Variants in CAST observed in about 807,000 individuals in gnomAD.
The protein encoded by CAST is MIR583 host.
In CAST, 76 loss-of-function variants were observed where a neutral mutation model predicts 119.6. The ratio of observed to expected loss-of-function variants is 0.64; its 90% confidence interval spans 0.53 to 0.77. The LOEUF (loss-of-function observed/expected upper bound fraction) is 0.77. Ranked by LOEUF, CAST falls within the 30% of genes least tolerant of loss-of-function variation. CAST has a pLI of 0.00. For synonymous variants in CAST, 319 were observed against 331.6 expected (o/e 0.96, Z 0.41); for missense variants, 953 against 946.5 (o/e 1.01, Z -0.09).
intron 1 of CAST, among the ~76,000 whole-genome samples, chr5:96,593,841 G>A (rs978040205): frequency 6.6e-5 from 10 of 152,180 alleles, no homozygotes; most frequent in East Asian, 1.9e-4. Flanking sequence ...ACACTGGCAC[G>A]CTGATCTTGG....
the CAST span, among the ~76,000 whole-genome samples, chr5:96,107,428 A>G: frequency 4.6e-5 from 7 of 151,884 alleles, no homozygotes; most frequent in South Asian, 2.1e-4. Context: ...GGTGGTGACA[A>G]AATCTCTCAG....
At chr5:96,065,959 T>A in the CAST span, among the ~76,000 whole-genome samples, 1 of 152,078 alleles carries the variant, frequency 6.6e-6, no homozygotes, top group Non-Finnish European at 1.5e-5. Flanking sequence ...ATTAAGGAAA[T>A]ATATTACAGG....
the CAST span, among the ~76,000 whole-genome samples, chr5:96,422,196 C>T: frequency 6.6e-6 from 1 of 152,078 alleles, no homozygotes; most frequent in South Asian, 2.1e-4. Flanking sequence ...GTTACCAAGC[C>T]TATGGTTCAC....
the CAST span, among the ~76,000 whole-genome samples, chr5:96,260,577 T>C: frequency 6.6e-6 from 1 of 152,240 alleles, no homozygotes; most frequent in Admixed American, 6.5e-5. Context: ...ACATTGTAAA[T>C]GGCATCTTAT....
chr5:96,130,449 G>GGA, the CAST span, among the ~76,000 whole-genome samples: 8 of 144,398 alleles, frequency 5.5e-5, no homozygotes, highest in South Asian at 4.4e-4. Flanking sequence ...AGGACATTAG[G>GGA]AAAAAAAAAA....
rs1454934969 is a variant in CAST, at chr5:96,580,640, A to G, written c.60+50760A>G. On this transcript the variant is annotated intron_variant, in intron 1 of 11. Coordinates refer to the CAST transcript ENST00000505143. The stretch of plus-strand genomic sequence containing the variant: ...TCGGGCGATGTTGGTTATGTTGGTC[A>G]ATGGATTACATTTGGAGTAGCAAGG... Among the ~76,000 whole-genome samples, 3 of 152,340 alleles carry G rather than the reference A, an allele frequency of 2.0e-5. No individual in the cohort carries two copies. The East Asian group carries it at 5.8e-4, about 29-fold the overall frequency.
At chr5:96,114,250 C>A in the CAST span, among the ~76,000 whole-genome samples, 1 of 152,146 alleles carries the variant, frequency 6.6e-6, no homozygotes, top group Non-Finnish European at 1.5e-5. Flanking sequence ...TATTCTACAA[C>A]CCTGTGACCC....
the CAST span, among the ~76,000 whole-genome samples, chr5:96,333,068 C>T: frequency 2.0e-5 from 3 of 151,868 alleles, no homozygotes; most frequent in Non-Finnish European, 2.9e-5. Context: ...CTTTTTATAG[C>T]GTCTCTCCTT....
the CAST span, among the ~76,000 whole-genome samples, chr5:96,448,847 A>G: frequency 1.3e-5 from 2 of 152,222 alleles, no homozygotes; most frequent in Non-Finnish European, 2.9e-5. Context: ...CATTTAAAAA[A>G]TGCAACCATT....
the CAST span, among the ~76,000 whole-genome samples, chr5:96,441,708 G>A: frequency 6.6e-6 from 1 of 152,250 alleles, no homozygotes; most frequent in Middle Eastern, 3.4e-3. Flanking sequence ...GCATTAGTAC[G>A]TTTGACATTC....
At chr5:96,163,733 G>A in the CAST span, among the ~76,000 whole-genome samples, 1 of 152,196 alleles carries the variant, frequency 6.6e-6, no homozygotes, top group Non-Finnish European at 1.5e-5. Context: ...TACTGGGATT[G>A]TTCCTTACCT....
chr5:96,302,119 G>A, the CAST span, among the ~76,000 whole-genome samples: 2 of 152,172 alleles, frequency 1.3e-5, no homozygotes, highest in Non-Finnish European at 2.9e-5. Context: ...TGCACTTGCA[G>A]GCTTAATACC....
chr5:96,484,159 A>G, the CAST span, among the ~76,000 whole-genome samples: 867 of 151,356 alleles, frequency 5.7e-3, 12 homozygotes, highest in African/African-American at 0.02. Context: ...CATGACCACA[A>G]CTCTCTGGTT....
At chr5:96,205,071 C>T in the CAST span, among the ~76,000 whole-genome samples, 1 of 152,000 alleles carries the variant, frequency 6.6e-6, no homozygotes, top group Non-Finnish European at 1.5e-5. Flanking sequence ...TACGCCATCT[C>T]TTTTGTTCAT....
chr5:96,676,323 T>G (rs1332020580), intron 2 of CAST, among the ~76,000 whole-genome samples: 1 of 152,226 alleles, frequency 6.6e-6, no homozygotes, highest in African/African-American at 2.4e-5. Context: ...AAACATCATA[T>G]AGCCAGATTT....
intron 1 of CAST, among the ~76,000 whole-genome samples, chr5:96,627,759 T>C (rs1446407181): frequency 6.6e-6 from 1 of 152,226 alleles, no homozygotes; most frequent in East Asian, 1.9e-4. Context: ...GGAACCTAGA[T>C]AGGTAATTGG....
chr5:96,058,530 G>A, the CAST span, among the ~76,000 whole-genome samples: 3 of 138,800 alleles, frequency 2.2e-5, no homozygotes, highest in African/African-American at 7.4e-5. Flanking sequence ...TAAGAAATTT[G>A]GTACCAGAAG....
the CAST span, among the ~76,000 whole-genome samples, chr5:96,295,118 A>G: frequency 6.6e-6 from 1 of 152,242 alleles, no homozygotes; most frequent in Non-Finnish European, 1.5e-5. Flanking sequence ...GAAATTCTCA[A>G]TAAGAAACTC....
chr5:96,602,322 C>T lies in CAST; in HGVS notation c.60+72442C>T, dbSNP rs568921613. ...CAAACCTTTACATTTCTACTATGTG[C>T]TGGTCACTGTGCCAGGCCCTGGAAT... On this transcript the variant is annotated intron_variant, in intron 1 of 11. Transcript: ENST00000505143. Among the ~76,000 whole-genome samples the T allele has an allele frequency of 2.0e-5, 3 of 152,348 alleles. No individual in the cohort carries two copies. The East Asian group carries it at 5.8e-4, about 29-fold the overall frequency.
Sources: gnomAD v4.1 joint callset for allele counts (sites outside exome capture counted in the v4.1 genomes callset) on GRCh38, gnomAD v4.1.1 for gene constraint, MANE v1.5 for transcripts, NCBI Gene and HGNC (gene_info 2026-07-23, HGNC 2026-07-21) for gene names.